The following SIGLEC1 variants were observed in gnomAD, a reference collection of about 807,000 sequenced individuals.
SIGLEC1 encodes the protein sialoadhesin.
Under a neutral mutation model 148.0 loss-of-function variants are expected in SIGLEC1, and 132 were observed. The ratio of observed to expected loss-of-function variants is 0.89; its 90% CI spans 0.77 to 1.03. The LOEUF is 1.03. Ranked by LOEUF, SIGLEC1 falls within the 50% of genes least tolerant of loss-of-function variation. SIGLEC1 has a pLI of 0.00. For synonymous variants in SIGLEC1, 945 were observed against 969.0 expected, an observed-to-expected ratio of 0.98 and a Z score of 0.46; for missense variants, 2,253 against 2,271.4, an observed-to-expected ratio of 0.99 and a Z score of 0.16.
chr20:3,690,675 G>GT (rs2088749206), intron 18 of SIGLEC1, among the ~76,000 whole-genome samples: 1 of 152,238 alleles, frequency 6.6e-6, no homozygotes, highest in East Asian at 1.9e-4. Flanking sequence ...GTTTGAAGCA[G>GT]TAAGTTTTGT....
Position 3,696,602 on chromosome 20 carries a change from G to A in SIGLEC1, c.2667C>T (p.Leu889=). 1 of 1,610,174 alleles carries A rather than the reference G, an allele frequency of 6.2e-7. No homozygotes were observed. Among genetic ancestry groups the A allele is most frequent in the Non-Finnish European group, 8.5e-7 (1 of 1,177,386 alleles). The stretch of plus-strand genomic sequence containing the variant: ...GACACTCACCTCGGACCTGGAAGAA[G>A]AGTGAGGTGTTGGATGATCCAAGAA... ...TNVLGSSNTS[L]FFQVRGAWVQ... Residue 889 remains leucine, a synonymous_variant, in exon 11 of 22, where the codon CTC becomes CTT. Transcript: ENST00000344754.
chr20:3,703,728 C>T lies in SIGLEC1; in HGVS notation c.973+97G>A, dbSNP rs762385336. ...GCATCCAGGAAGCACTGGGTTATGCCAGTTGCTGGCCCTGCCCTGCCCTGT... is the reference window on the plus strand; with the variant it reads ...GCATCCAGGAAGCACTGGGTTATGCTAGTTGCTGGCCCTGCCCTGCCCTGT... On this transcript the variant is annotated intron_variant, in intron 5 of 21. Coordinates refer to ENST00000344754, the MANE Select transcript of SIGLEC1 (RefSeq NM_023068.4). 12 of 1,495,016 alleles carry T rather than the reference C, an allele frequency of 8.0e-6. No individual in the cohort carries two copies. The Admixed American group carries it at 1.1e-4, about 14-fold the overall frequency. 92.6% of individuals were successfully genotyped at this position (1,495,016 alleles called of 1,614,324 possible). A position where few individuals can be genotyped will look rare whatever the true frequency, so the allele number is the denominator to read the frequency against.
At chr20:3,704,610 C>T (rs2087879130) in intron 4 of SIGLEC1, among the ~76,000 whole-genome samples, 1 of 152,168 alleles carries the variant, frequency 6.6e-6, no homozygotes, top group South Asian at 2.1e-4. Flanking sequence ...TCTGTGTATT[C>T]AAGTGTTTTA....
In SIGLEC1 at chr20:3,698,081, C is replaced by A. The variant is rs1483127193; in HGVS notation, c.1839G>T (p.Gly613=). ...GGAGGCCTCGCCGTCCAGCCCCGGCCCCAGCGGCATCAAGGTCCAGCCTGG... is the reference window on the plus strand; with the variant it reads ...GGAGGCCTCGCCGTCCAGCCCCGGCACCAGCGGCATCAAGGTCCAGCCTGG... ...FTTRLDLDAA[G]AGAGRRGLLL... The change falls in exon 9 of 22, where the codon GGG becomes GGT. Residue 613 remains glycine (G), a synonymous_variant. Transcript: ENST00000344754. 6.2e-7 allele frequency: 1 copy of A among 1,608,542 alleles called. No homozygotes were observed. Among genetic ancestry groups the A allele is most frequent in the South Asian group, 1.1e-5 (1 of 90,572 alleles).
At position 3,694,442 on chromosome 20, in the gene SIGLEC1, G is replaced by T; in HGVS notation, c.3035C>A (p.Pro1012Gln). ...CCCGTGGAGCAGCCGCAGCTGGGCC[G>T]GAGGGTCACTGTCCACACGGCACAG... is the stretch of plus-strand genomic sequence containing the variant. ...LLLCRVDSDP[P>Q]AQLRLLHGDR... Residue 1012 changes from proline to glutamine, a missense_variant, in exon 13 of 22, where the codon CCG becomes CAG. Coordinates refer to ENST00000344754, the MANE Select transcript of SIGLEC1 (RefSeq NM_023068.4). 6.2e-7 allele frequency: 1 copy of T among 1,610,338 alleles called. No individual in the cohort carries two copies. The highest frequency in any genetic ancestry group is 8.5e-7 in the Non-Finnish European group (1 of 1,177,840).
rs2088791227 is a variant in SIGLEC1, at chr20:3,693,705, A to T, written c.3257-7T>A. The T allele has an allele frequency of 6.4e-7, 1 of 1,567,254 alleles. No individual in the cohort carries two copies. Among genetic ancestry groups the T allele is most frequent in the African/African-American group, 1.3e-5 (1 of 74,382 alleles). ...CACACCTGCACATTCACAGCTGGGG[A>T]GAGGGAGGGCACAGGACACCAGTGA... On this transcript the variant is annotated splice_region_variant and splice_polypyrimidine_tract_variant and intron_variant, in intron 13 of 21. Coordinates refer to ENST00000344754, the MANE Select transcript of SIGLEC1 (RefSeq NM_023068.4).
chr20:3,704,765 A>G (rs114549032), intron 4 of SIGLEC1, among the ~76,000 whole-genome samples: 10,749 of 151,256 alleles, frequency 0.071, 462 homozygotes, highest in East Asian at 0.13. Flanking sequence ...TACAGGTGCA[A>G]GCCACCACAT....
rs755771162 is a variant in SIGLEC1, at chr20:3,692,004, C to T, written c.4229G>A (p.Arg1410Gln). The T allele has an allele frequency of 1.4e-5, 22 of 1,613,462 alleles. No individual in the cohort carries two copies. The highest frequency in any genetic ancestry group is 3.3e-5 in the Admixed American group (2 of 59,990). Residue 1410 changes from arginine to glutamine, a missense_variant, in exon 17 of 22, where the codon CGG becomes CAG. Coordinates refer to ENST00000344754, the MANE Select transcript of SIGLEC1 (RefSeq NM_023068.4). ...TGCAGGCACATCTTGCACCTGCAGCCGTAGGGCGTTTCGGGCCACCTGGAC... is the reference window on the plus strand; with the variant it reads ...TGCAGGCACATCTTGCACCTGCAGCTGTAGGGCGTTTCGGGCCACCTGGAC... ...GHVQVARNAL[R>Q]LQVQDVPAGD...
rs556087466 is a variant in SIGLEC1 at position 3,690,181 on chromosome 20, C to T, written c.4675G>A (p.Glu1559Lys). The change falls in exon 19 of 22, where the codon GAG becomes AAG. Residue 1559 changes from glutamate to lysine, a missense_variant. Physicochemically the swap from Glu to Lys is moderately conservative, Grantham distance 56 (BLOSUM62 1). Coordinates refer to ENST00000344754, the MANE Select transcript of SIGLEC1 (RefSeq NM_023068.4). ...RGILDCRVDS[E>K]PLASLTLHLG... is the part of the protein sequence containing the mutation. Reference sequence around the variant, plus strand: ...TGGAGAGTCAGGCTGGCGAGCGGCTCGCTGTCCACTCGGCAATCCAGGATG... The same window carrying T: ...TGGAGAGTCAGGCTGGCGAGCGGCTTGCTGTCCACTCGGCAATCCAGGATG... 1.5e-5 allele frequency: 23 copies of T among 1,573,938 alleles called. No homozygotes were observed. In the East Asian group the frequency reaches 3.3e-4, roughly 23 times the overall value.
At chr20:3,699,570 T>G (rs2087833491) in intron 7 of SIGLEC1, 111 bp from the exon 8 acceptor site, 2 of 1,361,622 alleles carry the variant, frequency 1.5e-6, no homozygotes, top group African/African-American at 1.5e-5. Context: ...TAGGTAGCTC[T>G]GGGCTTTGTG....
chr20:3,697,704 C>T (rs2087814548), intron 9 of SIGLEC1, 94 bp downstream of exon 9: 6 of 1,172,094 alleles, frequency 5.1e-6, no homozygotes, highest in South Asian at 4.0e-5. Flanking sequence ...CACTGCTGCA[C>T]AGAGTGGTTT....
chr20:3,701,775 A>T (rs1025096115), intron 6 of SIGLEC1, 134 bp from the exon 7 acceptor site: 1 of 832,060 alleles, frequency 1.2e-6, no homozygotes, highest in Non-Finnish European at 1.8e-6. Context: ...AAAGTGCCTG[A>T]GTGCCTGCTG....
intron 5 of SIGLEC1, 97 bp from the exon 6 acceptor site, chr20:3,703,548 T>C (rs934161968): frequency 1.4e-6 from 2 of 1,439,900 alleles, no homozygotes; most frequent in African/African-American, 2.8e-5. Flanking sequence ...CCTCAATCTC[T>C]GCACATCCTA....
At chr20:3,697,488 C>T in intron 9 of SIGLEC1, 146 bp from the exon 10 acceptor site, 1 of 1,026,070 alleles carries the variant, frequency 9.7e-7, no homozygotes, top group South Asian at 1.6e-5. Context: ...ACAGGGCAGC[C>T]TAGGAGAAGT....
chr20:3,705,668 G>T, intron 4 of SIGLEC1, 76 bp downstream of exon 4: 1 of 1,477,060 alleles, frequency 6.8e-7, no homozygotes, highest in Non-Finnish European at 9.2e-7. Context: ...CCGTTTCTGT[G>T]GGCTGGAGAG....
Position 3,694,376 on chromosome 20 carries a change from G to T in SIGLEC1, c.3101C>A (p.Pro1034His). The change falls in exon 13 of 22, where the codon CCC (proline) becomes CAC (histidine). Residue 1034 changes from proline to histidine, a missense_variant. Transcript: ENST00000344754. ...ATGCAGCCTGGGAGAGCTGCCTTCG[G>T]GTCCCCCCACACCTTGTAGGGTGGA... ...VASTLQGVGG[P>H]EGSSPRLHVA... The T allele has an allele frequency of 6.2e-7, 1 of 1,613,270 alleles. No homozygotes were observed. The highest frequency in any genetic ancestry group is 8.5e-7 in the Non-Finnish European group (1 of 1,179,910).
intron 7 of SIGLEC1, 116 bp from the exon 8 acceptor site, chr20:3,699,575 T>C: frequency 7.6e-7 from 1 of 1,319,254 alleles, no homozygotes; most frequent in Non-Finnish European, 1.0e-6. Flanking sequence ...AGCTCTGGGC[T>C]TTGTGGTGCA....
At position 3,690,118 on chromosome 20, in the gene SIGLEC1, C is replaced by T; in HGVS notation, c.4738G>A (p.Gly1580Ser). The T allele has an allele frequency of 6.2e-7, 1 of 1,609,900 alleles. No homozygotes were observed. Among genetic ancestry groups the T allele is most frequent in the Non-Finnish European group, 8.5e-7 (1 of 1,178,628 alleles). Residue 1580 changes from glycine to serine, a missense_variant, in exon 19 of 22, where the codon GGT becomes AGT. Gly to Ser is a moderately conservative substitution (Grantham distance 56). Coordinates refer to ENST00000344754, the MANE Select transcript of SIGLEC1 (RefSeq NM_023068.4). ...SRLVASSQPQ[G>S]APAEPHIHVL... ...TGGATGTGTGGCTCTGCAGGAGCACCCTGGGGCTGACTGGAGGCCACCAGT... is the reference window on the plus strand; with the variant it reads ...TGGATGTGTGGCTCTGCAGGAGCACTCTGGGGCTGACTGGAGGCCACCAGT...
At position 3,709,909 on chromosome 20, in the gene SIGLEC1, G is replaced by T. The variant is rs1021718780; in HGVS notation, c.-110+2561C>A. ...TAGAGGTAACCAGGGGCTGCAGGGA[G>T]GGGGAGCTAATGTTTAATGATTGCT... is the stretch of plus-strand genomic sequence containing the variant. On this transcript the variant is annotated intron_variant, in intron 1 of 21. Transcript: ENST00000344754. 8.5e-5 allele frequency among the ~76,000 whole-genome samples: 13 copies of T among 152,342 alleles called. No individual in the cohort carries two copies. In the East Asian group the frequency reaches 2.5e-3, roughly 29 times the overall value.
Sources: gnomAD v4.1 joint callset for allele counts (sites outside exome capture counted in the v4.1 genomes callset) on GRCh38, gnomAD v4.1.1 for gene constraint, MANE v1.5 for transcripts, NCBI Gene and HGNC (gene_info 2026-07-23, HGNC 2026-07-21) for gene names.